Variants in NAV2 observed in about 807,000 individuals in gnomAD.
NAV2 encodes helicase, APC down-regulated 1.
NAV2 carries 54 observed loss-of-function variants against 223.2 expected under a neutral mutation model. That is an observed-to-expected ratio of 0.24 (90% CI 0.19 to 0.30). The LOEUF (loss-of-function observed/expected upper bound fraction) is 0.30, where lower values mean the gene tolerates loss of function less well. Ranked by LOEUF, NAV2 falls within the 10% of genes least tolerant of loss-of-function variation. NAV2 has a pLI of 1.00. For missense variants in NAV2, 2,806 were observed against 3,147.5 expected (o/e 0.89, Z 2.60); for synonymous variants, 1,279 against 1,239.3 (o/e 1.03, Z -0.67).
intron 33 of NAV2, 92 bp from the exon 34 acceptor site, chr11:20,103,561 C>A: frequency 6.6e-7 from 1 of 1,513,616 alleles, no homozygotes; most frequent in Non-Finnish European, 9.2e-7. Context: ...TGTCCACTGG[C>A]CTGGAAGCAC....
upstream of NAV2, among the ~76,000 whole-genome samples, chr11:19,710,054 A>C (rs755723559): frequency 2.0e-5 from 3 of 152,246 alleles, no homozygotes; most frequent in Non-Finnish European, 4.4e-5. Context: ...ATTTATGCAT[A>C]TTTGAGGGTC....
intron 8 of NAV2, among the ~76,000 whole-genome samples, chr11:19,941,881 C>T (rs2046430558): frequency 6.6e-6 from 1 of 152,112 alleles, no homozygotes; most frequent in South Asian, 2.1e-4. Flanking sequence ...CTTCTGAAGC[C>T]CCAGTTTTCA....
Position 20,054,148 on chromosome 11 carries a change from G to T in NAV2, c.4550G>T (p.Gly1517Val). 1 of 1,613,792 alleles carries T rather than the reference G, an allele frequency of 6.2e-7. No homozygotes were observed. The highest frequency in any genetic ancestry group is 8.5e-7 in the Non-Finnish European group (1 of 1,179,954). ...AKEWLRSHSA[G>V]GLQDTAANSP... ...GAATGGTTACGGTCCCATTCTGCAGGAGGCCTTCAGGACACCGCTGCCAAT... is the reference window on the plus strand; with the variant it reads ...GAATGGTTACGGTCCCATTCTGCAGTAGGCCTTCAGGACACCGCTGCCAAT... The change falls in exon 18 of 38, where the codon GGA (glycine) becomes GTA (valine). Residue 1517 changes from glycine (G) to valine (V), a missense_variant. By Grantham distance (109) the Gly-to-Val change is moderately radical (BLOSUM62 -3). Transcript: ENST00000349880.
At chr11:19,945,150 TGTCTCCC>T (rs2046809452) in intron 8 of NAV2, among the ~76,000 whole-genome samples, 6 of 123,288 alleles carry the variant, frequency 4.9e-5, no homozygotes, top group East Asian at 2.4e-4. Context: ...CCTTTCTTTC[TGTCTCCC>T]TTCCCTTCCC....
intron 1 of NAV2, among the ~76,000 whole-genome samples, chr11:19,703,350 CCAGGCTCCA>C (rs2049565259): frequency 6.6e-6 from 1 of 152,202 alleles, no homozygotes; most frequent in Non-Finnish European, 1.5e-5. Flanking sequence ...CTGAGGCTCA[CCAGGCTCCA>C]TGCCTGGGGC....
At position 20,095,818 on chromosome 11, in the gene NAV2, G is replaced by A. The variant is rs374353576; in HGVS notation, c.6012+51G>A. 109 of 1,363,598 alleles carry A rather than the reference G, an allele frequency of 8.0e-5. 1 individual carries two copies. Among genetic ancestry groups the A allele is most frequent in the Non-Finnish European group, 9.7e-5 (92 of 951,688 alleles). The allele number at this position is 1,363,598 out of a possible 1,614,324, so 84.5% of individuals were successfully genotyped here. On this transcript the variant is annotated intron_variant, in intron 30 of 37. Transcript: ENST00000349880. ...AGCATACTACCTAACATGGGCATCC[G>A]GGCCTGGGGAGGAAAAGAGAGGTTG...
At chr11:19,453,168 C>T (rs1167359691) in intron 1 of NAV2, among the ~76,000 whole-genome samples, 1 of 152,230 alleles carries the variant, frequency 6.6e-6, no homozygotes, top group Non-Finnish European at 1.5e-5. Flanking sequence ...GAGTTCCCCT[C>T]TCAATTTAGA....
intron 1 of NAV2, among the ~76,000 whole-genome samples, chr11:19,815,444 T>A (rs1454674674): frequency 6.6e-6 from 1 of 152,226 alleles, no homozygotes; most frequent in Non-Finnish European, 1.5e-5. Context: ...AAAATAGACA[T>A]TTCAATAGGA....
At position 20,100,252 on chromosome 11, in the gene NAV2, T is replaced by C. The variant is rs180754723; in HGVS notation, c.6182-685T>C. Among the ~76,000 whole-genome samples the C allele has an allele frequency of 2.5e-3, 384 of 152,250 alleles. 3 individuals are homozygous for C. The highest frequency in any genetic ancestry group is 8.9e-3 in the African/African-American group (370 of 41,536). On this transcript the variant is annotated intron_variant, in intron 31 of 37. Transcript: ENST00000349880. ...CCCTGATTAATGACATTGTCCCAGA[T>C]AGGAAAGGAGAAGGATAAGTTTCCA...
chr11:19,711,625 AC>A (rs1359926125), upstream of NAV2: 1 of 152,248 alleles, frequency 6.6e-6, no homozygotes, highest in African/African-American at 2.4e-5. Context: ...TGCTATCAGC[AC>A]TGAAGATCAG....
chr11:19,651,928 A>T (rs979742354), intron 1 of NAV2, among the ~76,000 whole-genome samples: 2 of 152,086 alleles, frequency 1.3e-5, no homozygotes, highest in African/African-American at 4.8e-5. Context: ...GCATAATAGG[A>T]TATGCTTTTT....
In NAV2 at chr11:19,839,689, T is replaced by A. The variant is rs147849089; in HGVS notation, c.386-3182T>A. ...AGATGCACAAGCTATGTTGAAATGT[T>A]CTGAATCCTTTAATGAAGTCTTTTG... On this transcript the variant is annotated intron_variant, in intron 2 of 37. Transcript: ENST00000349880. Among the ~76,000 whole-genome samples the A allele has an allele frequency of 4.8e-3, 736 of 152,380 alleles. 9 individuals carry two copies. Among genetic ancestry groups the A allele is most frequent in the African/African-American group, 0.017 (700 of 41,590 alleles).
chr11:19,653,247 A>G (rs1478376442), intron 1 of NAV2, among the ~76,000 whole-genome samples: 1 of 152,234 alleles, frequency 6.6e-6, no homozygotes, highest in Admixed American at 6.5e-5. Flanking sequence ...GCGGTGAAAC[A>G]TGGGAAATGT....
At chr11:19,709,687 T>C (rs1200398834), upstream of NAV2, among the ~76,000 whole-genome samples, 1 of 151,300 alleles carries the variant, frequency 6.6e-6, no homozygotes, top group East Asian at 2.0e-4. Context: ...ATACAAAAAT[T>C]AGCCGGGTGT....
chr11:19,734,640 A>G (rs1275207872), intron 1 of NAV2, among the ~76,000 whole-genome samples: 3 of 152,218 alleles, frequency 2.0e-5, no homozygotes, highest in East Asian at 1.9e-4. Context: ...AACTTGGCTA[A>G]TGAAGGTGGG....
At chr11:19,696,662 G>T (rs549193827) in intron 1 of NAV2, among the ~76,000 whole-genome samples, 73 of 152,310 alleles carry the variant, frequency 4.8e-4, no homozygotes, top group African/African-American at 1.7e-3. Context: ...TCAGAGAAAG[G>T]ATTGTTTACA....
At chr11:19,421,615 T>C (rs958364908) in intron 1 of NAV2, among the ~76,000 whole-genome samples, 5 of 152,098 alleles carry the variant, frequency 3.3e-5, no homozygotes, top group African/African-American at 1.2e-4. Flanking sequence ...AAACATTAAG[T>C]ATTAGCATAT....
At chr11:20,020,772 C>T (rs1304831422) in intron 11 of NAV2, among the ~76,000 whole-genome samples, 1 of 152,070 alleles carries the variant, frequency 6.6e-6, no homozygotes, top group East Asian at 1.9e-4. Context: ...ATCCTCTCTC[C>T]CTCAGAGTAA....
Position 19,713,182 on chromosome 11 carries a change from T to A in NAV2, c.-514T>A, listed in dbSNP as rs1426290624. 6.6e-6 allele frequency among the ~76,000 whole-genome samples: 1 copy of A among 151,644 alleles called. No homozygotes were observed. The highest frequency in any genetic ancestry group is 6.6e-5 in the Admixed American group (1 of 15,244). ...TCTTGGGACCCTTGCGCCCTTCTTC[T>A]CTCCTTCCTTCGCTGCTGTCTCCTT... On this transcript the variant is annotated 5_prime_UTR_variant, in exon 1 of 38. Transcript: ENST00000349880. This position sits in a 1 kb window ranked among gnomAD's most constrained non-coding sequence, Gnocchi z 7.2.
Sources: allele counts gnomAD v4.1 joint callset (sites outside exome capture counted in the v4.1 genomes callset), GRCh38; gene constraint gnomAD v4.1.1; non-coding constraint Gnocchi (gnomAD v3.1); transcripts MANE v1.5; gene names NCBI Gene and HGNC (gene_info 2026-07-23, HGNC 2026-07-21).